The following SUZ12 variants were observed in gnomAD, a reference collection of about 807,000 sequenced individuals.
SUZ12 encodes the protein SUZ12 polycomb repressive complex 2 subunit.
A neutral mutation model predicts 87.3 loss-of-function variants in SUZ12; 17 were observed. The observed-to-expected ratio is 0.19, with a 90% CI of 0.13 to 0.29. The LOEUF is 0.29. SUZ12 is among the 10% of genes least tolerant of loss of function. The pLI is 1.00. For synonymous variants in SUZ12, 253 were observed against 312.4 expected (o/e 0.81, Z 2.01); for missense variants, 526 against 912.2 (o/e 0.58, Z 5.45).
intron 10 of SUZ12, 58 bp downstream of exon 10, chr17:31,988,555 G>T: frequency 6.9e-7 from 1 of 1,444,018 alleles, no homozygotes; most frequent in South Asian, 1.4e-5. Context: ...TAGGTCTTGT[G>T]CTTTAGATTA....
chr17:31,988,938 G>A (rs1010301341), intron 10 of SUZ12, among the ~76,000 whole-genome samples: 2 of 151,592 alleles, frequency 1.3e-5, no homozygotes, highest in Middle Eastern at 3.2e-3. Context: ...CAGGTGTGGT[G>A]GCGGGCACCT....
At chr17:31,964,551 C>A (rs1907972862) in intron 4 of SUZ12, among the ~76,000 whole-genome samples, 1 of 151,952 alleles carries the variant, frequency 6.6e-6, no homozygotes, top group Non-Finnish European at 1.5e-5. Flanking sequence ...AGACTACAGC[C>A]ATGTGCCACC....
Position 31,983,053 on chromosome 17 carries a change from A to C in SUZ12, c.972A>C (p.Glu324Asp). 2 of 1,613,766 alleles carry C rather than the reference A, an allele frequency of 1.2e-6. No homozygotes were observed. The highest frequency in any genetic ancestry group is 1.7e-6 in the Non-Finnish European group (2 of 1,179,784). Residue 324 changes from glutamate (E) to aspartate (D), a missense_variant, in exon 9 of 16, where the codon GAA becomes GAC. Transcript: ENST00000322652. ...AAGTAGCCATGCAGGAAATGGAAGA[A>C]TGTCCAATAAGCAAGAAAAGAGCAA... is the stretch of plus-strand genomic sequence containing the variant. ...EYEVAMQEME[E>D]CPISKKRATW...
intron 4 of SUZ12, among the ~76,000 whole-genome samples, chr17:31,950,176 C>T (rs542808038): frequency 4.1e-5 from 3 of 73,164 alleles, no homozygotes; most frequent in African/African-American, 1.1e-4. Flanking sequence ...CTCCTGACCT[C>T]AGGTGATCTG....
intron 9 of SUZ12, among the ~76,000 whole-genome samples, chr17:31,985,376 TAAA>T (rs1567833904): frequency 1.3e-5 from 2 of 151,620 alleles, no homozygotes; most frequent in African/African-American, 4.8e-5. Flanking sequence ...AAAAAGCTAT[TAAA>T]AAGGATGATA....
chr17:31,977,271 ATCTTT>A (rs1276401977), intron 8 of SUZ12, among the ~76,000 whole-genome samples: 1 of 140,002 alleles, frequency 7.1e-6, no homozygotes, highest in African/African-American at 2.7e-5. Context: ...GTGAGATCCC[ATCTTT>A]TTTTTTTTTT....
chr17:31,995,865 A>AAT, intron 14 of SUZ12, 103 bp downstream of exon 14: 2 of 854,904 alleles, frequency 2.3e-6, no homozygotes, highest in Non-Finnish European at 3.5e-6. Context: ...CTTTTTTTAA[A>AAT]AAAAAAAAAA....
At chr17:31,962,826 TGATA>T (rs1277372315) in intron 4 of SUZ12, among the ~76,000 whole-genome samples, 2 of 152,234 alleles carry the variant, frequency 1.3e-5, no homozygotes, top group African/African-American at 2.4e-5. Context: ...GAGAAAGGAA[TGATA>T]GATAAAAAGT....
chr17:31,957,281 C>G (rs1368483041), intron 4 of SUZ12, among the ~76,000 whole-genome samples: 1 of 151,792 alleles, frequency 6.6e-6, no homozygotes, highest in African/African-American at 2.4e-5. Context: ...GCTTTGTTGC[C>G]CAGGCTGTAG....
At chr17:31,982,698 C>T (rs146803938) in intron 8 of SUZ12, among the ~76,000 whole-genome samples, 2 of 152,040 alleles carry the variant, frequency 1.3e-5, no homozygotes, top group African/African-American at 4.8e-5. Context: ...TGTACTTACG[C>T]TTTATATTTA....
chr17:31,972,333 GTA>G, intron 5 of SUZ12, among the ~76,000 whole-genome samples: 1 of 148,598 alleles, frequency 6.7e-6, no homozygotes, highest in East Asian at 2.0e-4. Context: ...GTATGTATGT[GTA>G]TATATATGTG....
rs1910223910 is a variant in SUZ12, at chr17:32,000,888, A to G, written c.*1885A>G. The G allele has an allele frequency of 4.5e-6, 1 of 221,942 alleles. No individual in the cohort carries two copies. The highest frequency in any genetic ancestry group is 2.2e-5 in the African/African-American group (1 of 44,784). The allele number at this position is 221,942 out of a possible 1,614,324, so 13.7% of individuals were successfully genotyped here. Reference sequence around the variant, plus strand: ...CTTTTCTATATGTACCCTTGATAACAGATTTTGAAGAAATCCTGTAAGATG... The same window carrying G: ...CTTTTCTATATGTACCCTTGATAACGGATTTTGAAGAAATCCTGTAAGATG... On this transcript the variant is annotated 3_prime_UTR_variant, in exon 16 of 16. Coordinates refer to ENST00000322652, the MANE Select transcript of SUZ12 (RefSeq NM_015355.4).
intron 4 of SUZ12, among the ~76,000 whole-genome samples, chr17:31,961,076 G>A (rs1015873469): frequency 1.3e-5 from 2 of 152,020 alleles, no homozygotes; most frequent in African/African-American, 4.8e-5. Context: ...AACTGGGCAT[G>A]GCAGCATGTG....
intron 3 of SUZ12, among the ~76,000 whole-genome samples, chr17:31,942,428 C>A (rs528775106): frequency 2.0e-5 from 3 of 150,074 alleles, no homozygotes; most frequent in South Asian, 2.2e-4. Flanking sequence ...CTCCACCTCG[C>A]GGGTTCAAGG....
intron 9 of SUZ12, among the ~76,000 whole-genome samples, 156 bp downstream of exon 9, chr17:31,983,260 CG>C (rs763602550): frequency 6.9e-6 from 1 of 145,982 alleles, no homozygotes; most frequent in Non-Finnish European, 1.5e-5. Flanking sequence ...GAGCATTTAA[CG>C]GAAGGTATCA....
chr17:31,970,593 A>C (rs886605116), intron 5 of SUZ12, among the ~76,000 whole-genome samples: 4 of 152,066 alleles, frequency 2.6e-5, no homozygotes, highest in African/African-American at 9.7e-5. Context: ...GTGCCACTGC[A>C]TTCCAGCCTG....
Position 31,993,346 on chromosome 17 carries a change from G to T in SUZ12, c.1293+13G>T. The stretch of plus-strand genomic sequence containing the variant: ...AATATTTTATCAGGTAAACATAGCT[G>T]ACCCTTCTTAAAGTAATTATGAAAT... On this transcript the variant is annotated intron_variant, in intron 11 of 15. Coordinates refer to ENST00000322652, the MANE Select transcript of SUZ12 (RefSeq NM_015355.4). 6.8e-7 allele frequency: 1 copy of T among 1,478,020 alleles called. No individual in the cohort carries two copies. The highest frequency in any genetic ancestry group is 1.2e-5 in the South Asian group (1 of 81,064). The allele number at this position is 1,478,020 out of a possible 1,614,324, so 91.6% of individuals were successfully genotyped here. A position where few individuals can be genotyped will look rare whatever the true frequency, so the allele number is the denominator to read the frequency against.
At chr17:31,956,625 C>T (rs1490940323) in intron 4 of SUZ12, among the ~76,000 whole-genome samples, 7 of 152,236 alleles carry the variant, frequency 4.6e-5, no homozygotes, top group Admixed American at 2.6e-4. Context: ...TTCAGAACCT[C>T]GAGATATCAC....
chr17:31,977,581 A>G (rs1181936027), intron 8 of SUZ12, among the ~76,000 whole-genome samples: 1 of 151,102 alleles, frequency 6.6e-6, no homozygotes, highest in Non-Finnish European at 1.5e-5. Context: ...CCTAGGCGAG[A>G]CCCCATCTTT....
Sources: allele counts gnomAD v4.1 joint callset (sites outside exome capture counted in the v4.1 genomes callset), GRCh38; gene constraint gnomAD v4.1.1; transcripts MANE v1.5; gene names NCBI Gene and HGNC (gene_info 2026-07-23, HGNC 2026-07-21).